Variants in DCC observed in about 807,000 individuals in gnomAD.
The protein encoded by DCC is DCC netrin 1 receptor, also known as netrin receptor DCC.
DCC carries 58 observed loss-of-function variants against 172.5 expected under a neutral mutation model. That is an observed-to-expected ratio of 0.34 (90% CI 0.27 to 0.42). The LOEUF (loss-of-function observed/expected upper bound fraction) is 0.42, where lower values mean the gene tolerates loss of function less well. Among genes scored for constraint, DCC ranks in the 10% least tolerant of loss-of-function variants. DCC has a pLI of 1.00. For missense variants in DCC, 1,740 were observed against 1,791.0 expected, an observed-to-expected ratio of 0.97 and a Z score of 0.51; for synonymous variants, 709 against 644.5, an observed-to-expected ratio of 1.10 and a Z score of -1.52.
chr18:52,976,064 AATGGTAT>A (rs1178685702), intron 5 of DCC, among the ~76,000 whole-genome samples: 2 of 152,084 alleles, frequency 1.3e-5, no homozygotes, highest in African/African-American at 4.8e-5. Context: ...ATTGTTATTG[AATGGTAT>A]ATCATTGTTG....
In DCC at chr18:53,535,611, C is replaced by CA. The variant is rs2046566603; in HGVS notation, c.*4963dup. Reference sequence around the variant, plus strand: ...TGTTGTTACAAAACACCTTTTTTAACAAAAAGGTATTTTGAGCCTACAAAA... The same window carrying CA: ...TGTTGTTACAAAACACCTTTTTTAACAAAAAAGGTATTTTGAGCCTACAAAA... On this transcript the variant is annotated 3_prime_UTR_variant, in exon 29 of 29. Transcript: ENST00000442544. 1 of 152,000 alleles carries CA rather than the reference C, an allele frequency of 6.6e-6. No homozygotes were observed. Among genetic ancestry groups the CA allele is most frequent in the Non-Finnish European group, 1.5e-5 (1 of 67,970 alleles). The allele number at this position is 152,000 out of a possible 1,614,324, so 9.4% of individuals were successfully genotyped here. A position where few individuals can be genotyped will look rare whatever the true frequency, so the allele number is the denominator to read the frequency against.
At position 52,425,989 on chromosome 18, in the gene DCC, C is replaced by T. The variant is rs184188283; in HGVS notation, c.91+85111C>T. ...ATCAAGTGTTACCCTAAACATTAGG[C>T]TCAAGATCTCACTGTTGTTATCTCA... On this transcript the variant is annotated intron_variant, in intron 1 of 28. Coordinates refer to ENST00000442544, the MANE Select transcript of DCC (RefSeq NM_005215.4). Among the ~76,000 whole-genome samples the T allele has an allele frequency of 2.6e-5, 4 of 152,224 alleles. No homozygotes were observed. The East Asian group carries it at 7.7e-4, about 29-fold the overall frequency.
chr18:52,624,751 A>C (rs930521219), intron 1 of DCC, among the ~76,000 whole-genome samples: 40 of 152,180 alleles, frequency 2.6e-4, no homozygotes, highest in African/African-American at 9.6e-4. Context: ...TGCAATGATG[A>C]CTGTGCTGAG....
chr18:53,398,689 A>C (rs1224746142), intron 18 of DCC, among the ~76,000 whole-genome samples: 1 of 152,148 alleles, frequency 6.6e-6, no homozygotes, highest in Non-Finnish European at 1.5e-5. Flanking sequence ...ATAAACATAA[A>C]ATGCACACCA....
At chr18:52,358,627 C>G (rs17669415) in intron 1 of DCC, among the ~76,000 whole-genome samples, 34,849 of 152,120 alleles carry the variant, frequency 0.23, 4,636 homozygotes, top group Non-Finnish European at 0.31. Context: ...ATGAACATAA[C>G]CAAAATTACT....
intron 15 of DCC, among the ~76,000 whole-genome samples, chr18:53,374,226 G>A (rs2058087761): frequency 6.6e-6 from 1 of 152,170 alleles, no homozygotes; most frequent in South Asian, 2.1e-4. Flanking sequence ...ACAGCCACAT[G>A]TGGCCAGTGA....
intron 5 of DCC, among the ~76,000 whole-genome samples, chr18:52,954,754 G>T (rs138735610): frequency 6.6e-6 from 1 of 152,086 alleles, no homozygotes; most frequent in Non-Finnish European, 1.5e-5. Context: ...GAGTTGATTC[G>T]TTCCTCAGTC....
chr18:52,892,200 G>A (rs1326662386), intron 2 of DCC, among the ~76,000 whole-genome samples: 1 of 151,932 alleles, frequency 6.6e-6, no homozygotes, highest in Non-Finnish European at 1.5e-5. Flanking sequence ...ATTACCATCA[G>A]GAAAGGTCAT....
At chr18:52,820,869 C>T (rs928983741) in intron 2 of DCC, among the ~76,000 whole-genome samples, 3 of 152,136 alleles carry the variant, frequency 2.0e-5, no homozygotes, top group African/African-American at 4.8e-5. Context: ...CCTGGAACCT[C>T]CCTTCCAAAA....
chr18:52,923,920 A>G (rs2145486321), intron 4 of DCC, 63 bp downstream of exon 4: 3 of 1,210,454 alleles, frequency 2.5e-6, no homozygotes, highest in South Asian at 2.4e-5. Flanking sequence ...TGCTATTTAT[A>G]TTTCTCTAAT....
In DCC at chr18:52,945,663, G is replaced by A. The variant is rs140651438; in HGVS notation, c.985+20293G>A. On this transcript the variant is annotated intron_variant, in intron 5 of 28. Coordinates refer to ENST00000442544, the MANE Select transcript of DCC (RefSeq NM_005215.4). ...CACTGCCAGTGTGCACTGGCTTAGA[G>A]AGCTGAGCTGAAGGCTGGATGTCAG... is the stretch of plus-strand genomic sequence containing the variant. Among the ~76,000 whole-genome samples, 6 of 152,290 alleles carry A rather than the reference G, an allele frequency of 3.9e-5. No individual in the cohort carries two copies. In the East Asian group the frequency reaches 7.7e-4, roughly 20 times the overall value.
intron 2 of DCC, among the ~76,000 whole-genome samples, chr18:52,788,950 C>T (rs181534401): frequency 6.6e-6 from 1 of 152,142 alleles, no homozygotes; most frequent in East Asian, 1.9e-4. Flanking sequence ...GTAATCAGCC[C>T]AACCCCCACA....
At chr18:52,800,043 C>G (rs1037677189) in intron 2 of DCC, among the ~76,000 whole-genome samples, 2 of 152,100 alleles carry the variant, frequency 1.3e-5, no homozygotes, top group African/African-American at 4.8e-5. Flanking sequence ...ATTTGCTGAA[C>G]TAGTTTAAAT....
chr18:53,185,118 C>T (rs181129569), intron 9 of DCC, among the ~76,000 whole-genome samples: 1 of 152,194 alleles, frequency 6.6e-6, no homozygotes. Context: ...TTAAAAGTCT[C>T]TGGATGTAAA....
At chr18:52,422,422 A>G (rs1189072021) in intron 1 of DCC, among the ~76,000 whole-genome samples, 1 of 152,192 alleles carries the variant, frequency 6.6e-6, no homozygotes, top group Non-Finnish European at 1.5e-5. Context: ...ATTGGCTTAA[A>G]TGTCCAGAAC....
chr18:53,002,134 TTCCCAGC>T (rs1481174796), intron 5 of DCC, among the ~76,000 whole-genome samples: 6 of 152,228 alleles, frequency 3.9e-5, no homozygotes, highest in South Asian at 2.1e-4. Context: ...GTGCTTTAGT[TTCCCAGC>T]TTATGCACGT....
chr18:53,506,298 G>A (rs929344570), intron 27 of DCC, among the ~76,000 whole-genome samples: 7 of 152,118 alleles, frequency 4.6e-5, no homozygotes, highest in East Asian at 1.9e-4. Context: ...AAACCAGAGC[G>A]ACTTGTAAGT....
chr18:52,799,816 TATAA>T (rs2037949712), intron 2 of DCC, among the ~76,000 whole-genome samples: 1 of 152,190 alleles, frequency 6.6e-6, no homozygotes, highest in South Asian at 2.1e-4. Flanking sequence ...TAACTAGCAA[TATAA>T]TAATAATGCC....
intron 5 of DCC, among the ~76,000 whole-genome samples, chr18:52,960,545 A>G (rs2040825856): frequency 6.6e-6 from 1 of 152,116 alleles, no homozygotes; most frequent in Non-Finnish European, 1.5e-5. Context: ...ACCATGGTTC[A>G]TCACAGTTTA....
Sources: gnomAD v4.1 joint callset for allele counts (sites outside exome capture counted in the v4.1 genomes callset) on GRCh38, gnomAD v4.1.1 for gene constraint, MANE v1.5 for transcripts, NCBI Gene and HGNC (gene_info 2026-07-23, HGNC 2026-07-21) for gene names.